FHOD1: variants seen among roughly 807,000 people sequenced by gnomAD.
The protein encoded by FHOD1 is formin homology 2 domain containing 1.
In FHOD1, 89 loss-of-function variants were observed where a neutral mutation model predicts 111.6. That is an observed-to-expected ratio of 0.80 (90% CI 0.67 to 0.95). FHOD1 has a LOEUF of 0.95. FHOD1 is among the 40% of genes least tolerant of loss of function. The pLI is 0.00. For missense variants in FHOD1, 1,446 were observed against 1,554.2 expected (o/e 0.93, Z 1.17); for synonymous variants, 618 against 639.0 (o/e 0.97, Z 0.50).
intron 11 of FHOD1, chr16:67,234,770 T>C (rs1388661905): frequency 2.7e-6 from 1 of 370,924 alleles, no homozygotes; most frequent in Non-Finnish European, 5.0e-6. Context: ...TTTTTTTGGT[T>C]GGTTTTTTTT....
At chr16:67,246,367 G>A (rs969750935) in intron 1 of FHOD1, among the ~76,000 whole-genome samples, 33 of 152,336 alleles carry the variant, frequency 2.2e-4, no homozygotes, top group African/African-American at 7.7e-4. Context: ...CCCGGAAACA[G>A]CGCGCCGGAA....
intron 13 of FHOD1, among the ~76,000 whole-genome samples, chr16:67,233,146 G>C (rs2034342587): frequency 6.6e-6 from 1 of 151,724 alleles, no homozygotes; most frequent in African/African-American, 2.4e-5. Context: ...GAGTGCAATG[G>C]TGCGATCTCG....
chr16:67,231,584 G>A lies in FHOD1; in HGVS notation c.2386-35C>T. 1.2e-6 allele frequency: 2 copies of A among 1,614,158 alleles called. No individual in the cohort carries two copies. Among genetic ancestry groups the A allele is most frequent in the Non-Finnish European group, 1.7e-6 (2 of 1,180,020 alleles). The stretch of plus-strand genomic sequence containing the variant: ...GAGACCAGGGACTCTCAGACTACAT[G>A]GTCATGATGCTTACCTGTCCCTACT... On this transcript the variant is annotated intron_variant, in intron 15 of 21. Coordinates refer to ENST00000258201, the MANE Select transcript of FHOD1 (RefSeq NM_013241.3). The surrounding 1 kb of genome is among the most constrained non-coding windows in gnomAD (Gnocchi z 4.3).
rs150611515 is a variant in FHOD1 at position 67,239,421 on chromosome 16, C to T, written c.235G>A (p.Gly79Arg). The T allele has an allele frequency of 2.1e-5, 34 of 1,613,972 alleles. No homozygotes were observed. Among genetic ancestry groups the T allele is most frequent in the Non-Finnish European group, 2.5e-5 (30 of 1,180,008 alleles). The change falls in exon 2 of 22, where the codon GGA (glycine) becomes AGA (arginine). Residue 79 changes from glycine to arginine, a missense_variant. Physicochemically the swap from Gly to Arg is moderately radical, Grantham distance 125. Transcript: ENST00000258201. ...EDCALQVSPSGYYLDTELSLE... is the reference protein window; with the variant it reads ...EDCALQVSPSRYYLDTELSLE... ...GACAGCTCGGTGTCCAGGTAGTATCCGGAGGGAGACACTTGCAGAGCACAA... is the reference window on the plus strand; with the variant it reads ...GACAGCTCGGTGTCCAGGTAGTATCTGGAGGGAGACACTTGCAGAGCACAA...
intron 1 of FHOD1, among the ~76,000 whole-genome samples, chr16:67,241,381 C>G (rs568908571): frequency 6.3e-4 from 96 of 152,290 alleles, no homozygotes; most frequent in Non-Finnish European, 1.1e-3. Context: ...TGATCTCTTC[C>G]CACACAGTGA....
At chr16:67,244,555 T>G (rs2034757195) in intron 1 of FHOD1, among the ~76,000 whole-genome samples, 1 of 151,988 alleles carries the variant, frequency 6.6e-6, no homozygotes, top group Non-Finnish European at 1.5e-5. Flanking sequence ...CTTTCTGAGA[T>G]CTGAAAGCTC....
chr16:67,243,374 T>C (rs1030152322), intron 1 of FHOD1, among the ~76,000 whole-genome samples: 3 of 151,970 alleles, frequency 2.0e-5, no homozygotes, highest in African/African-American at 4.8e-5. Context: ...GCCTCTTTTT[T>C]TTCTTTTCTT....
chr16:67,237,498 ACAC>A lies in FHOD1; in HGVS notation c.823_825del (p.Val275del). 9 of 1,614,180 alleles carry A rather than the reference ACAC, an allele frequency of 5.6e-6. No individual in the cohort carries two copies. The highest frequency in any genetic ancestry group is 7.6e-6 in the Non-Finnish European group (9 of 1,180,032). On this transcript the variant is annotated inframe_deletion, in exon 8 of 22. Coordinates refer to ENST00000258201, the MANE Select transcript of FHOD1 (RefSeq NM_013241.3). The surrounding 1 kb of genome is among the most constrained non-coding windows in gnomAD (Gnocchi z 5.6). ...ACCTTGTTGATGAGGGTGACCGTGT[ACAC>A]CAACAACTCAGGGTCAGCGCCATTC... is the stretch of plus-strand genomic sequence containing the variant.
At position 67,238,808 on chromosome 16, in the gene FHOD1, C is replaced by G. The variant is rs2034586368; in HGVS notation, c.373+95G>C. ...AGAGGAAGGAGCACATACAGCTAAA[C>G]CTACTTTGCTCACTGTTCAGCACAG... On this transcript the variant is annotated intron_variant, in intron 3 of 21. Transcript: ENST00000258201. This position sits in a 1 kb window ranked among gnomAD's most constrained non-coding sequence, Gnocchi z 4.2. 2 of 1,226,048 alleles carry G rather than the reference C, an allele frequency of 1.6e-6. No individual in the cohort carries two copies. The highest frequency in any genetic ancestry group is 2.4e-5 in the South Asian group (2 of 82,816). 75.9% of individuals were successfully genotyped at this position (1,226,048 alleles called of 1,614,324 possible).
intron 2 of FHOD1, 40 bp downstream of exon 2, chr16:67,239,308 G>T: frequency 6.7e-7 from 1 of 1,499,948 alleles, no homozygotes; most frequent in Non-Finnish European, 9.3e-7. Context: ...CCTGGCAAGG[G>T]TGGGGGTAAC....
chr16:67,230,388 G>A lies in FHOD1; in HGVS notation c.2977C>T (p.Arg993Ter), dbSNP rs1193390972. ...TGCTTCTGCTGCTGCTGTAGCACTC[G>A]TTCCCGGCAAGTCCGATACTCAAGC... ...FALEYRTCRE[R>*]VLQQQQKQAT... Residue 993 changes from arginine (R) to a stop codon, truncating the protein, a stop_gained, in exon 19 of 22, where the codon CGA becomes TGA. Transcript: ENST00000258201. LOFTEE classifies it high-confidence loss of function. 1.7e-5 allele frequency: 28 copies of A among 1,614,224 alleles called. No individual in the cohort carries two copies. In the East Asian group the frequency reaches 5.8e-4, roughly 33 times the overall value.
intron 1 of FHOD1, 107 bp from the exon 2 acceptor site, chr16:67,239,561 G>C (rs2034610117): frequency 6.5e-6 from 5 of 770,598 alleles, no homozygotes; most frequent in Non-Finnish European, 1.1e-5. Flanking sequence ...AGAGACACAG[G>C]GTCTGCACTA....
At chr16:67,246,458 C>A (rs2034837203) in intron 1 of FHOD1, among the ~76,000 whole-genome samples, 1 of 152,166 alleles carries the variant, frequency 6.6e-6, no homozygotes, top group African/African-American at 2.4e-5. Flanking sequence ...GGCCTCTTTC[C>A]GCACTGTGCA....
At chr16:67,242,433 CTAGA>C (rs1487257803) in intron 1 of FHOD1, among the ~76,000 whole-genome samples, 1 of 152,156 alleles carries the variant, frequency 6.6e-6, no homozygotes, top group Non-Finnish European at 1.5e-5. Flanking sequence ...GGGTGGTAGG[CTAGA>C]GTCAGGCAAG....
At position 67,231,229 on chromosome 16, in the gene FHOD1, C is replaced by T; in HGVS notation, c.2626G>A (p.Asp876Asn). ...LVLQTRPESS[D>N]LYSEIPALTR... Reference sequence around the variant, plus strand: ...AGGGCAGGGATTTCTGAATAGAGGTCAGAGGACTCAGGCCGGGTCTGGAGC... The same window carrying T: ...AGGGCAGGGATTTCTGAATAGAGGTTAGAGGACTCAGGCCGGGTCTGGAGC... The change falls in exon 17 of 22, where the codon GAC becomes AAC. Residue 876 changes from aspartate to asparagine, a missense_variant. This residue lies in a region of FHOD1 where 1,085 missense variants were observed against 1,108.8 expected (regional missense o/e 0.98). Coordinates refer to ENST00000258201, the MANE Select transcript of FHOD1 (RefSeq NM_013241.3). The surrounding 1 kb of genome is among the most constrained non-coding windows in gnomAD (Gnocchi z 4.3). 1 of 1,614,212 alleles carries T rather than the reference C, an allele frequency of 6.2e-7. No homozygotes were observed. Among genetic ancestry groups the T allele is most frequent in the Non-Finnish European group, 8.5e-7 (1 of 1,180,034 alleles).
Position 67,237,280 on chromosome 16 carries a change from C to A in FHOD1, c.952G>T (p.Gly318Cys). Residue 318 changes from glycine to cysteine, a missense_variant, in exon 9 of 22, where the codon GGC becomes TGC. Physicochemically the swap from Gly to Cys is radical, Grantham distance 159. This residue lies in a region of FHOD1 where 234 missense variants were observed against 327.4 expected (regional missense o/e 0.71). Coordinates refer to ENST00000258201, the MANE Select transcript of FHOD1 (RefSeq NM_013241.3). The surrounding 1 kb of genome is among the most constrained non-coding windows in gnomAD (Gnocchi z 5.6). Reference protein sequence around the residue: ...ALVQRHLGTAGTDVDLRTQLV... With the variant: ...ALVQRHLGTACTDVDLRTQLV... ...TGCGTGCGCAGGTCGACGTCAGTGCCCGCAGTGCCCAGGTGGCGCTGGACC... is the reference window on the plus strand; with the variant it reads ...TGCGTGCGCAGGTCGACGTCAGTGCACGCAGTGCCCAGGTGGCGCTGGACC... 1.9e-6 allele frequency: 3 copies of A among 1,613,978 alleles called. No individual in the cohort carries two copies. The highest frequency in any genetic ancestry group is 1.1e-5 in the South Asian group (1 of 91,078).
chr16:67,234,183 G>T lies in FHOD1; in HGVS notation c.1520C>A (p.Ala507Asp), dbSNP rs770549814. ...QSPAPCVLLR[A>D]QRSLAPEPKE... ...GGGCTCTGGTGCAAGGCTTCGCTGGGCCCGGAGCAGGACACAGGGGGCAGG... is the reference window on the plus strand; with the variant it reads ...GGGCTCTGGTGCAAGGCTTCGCTGGTCCCGGAGCAGGACACAGGGGGCAGG... Residue 507 changes from alanine to aspartate, a missense_variant, in exon 13 of 22, where the codon GCC becomes GAC. By Grantham distance (126) the Ala-to-Asp change is moderately radical. This residue lies in a region of FHOD1 where 1,085 missense variants were observed against 1,108.8 expected (regional missense o/e 0.98). Coordinates refer to ENST00000258201, the MANE Select transcript of FHOD1 (RefSeq NM_013241.3). 4 of 1,551,024 alleles carry T rather than the reference G, an allele frequency of 2.6e-6. No homozygotes were observed. Among genetic ancestry groups the T allele is most frequent in the Non-Finnish European group, 3.5e-6 (4 of 1,146,542 alleles).
intron 13 of FHOD1, among the ~76,000 whole-genome samples, 179 bp from the exon 14 acceptor site, chr16:67,232,373 G>C (rs1409204403): frequency 6.6e-6 from 1 of 152,052 alleles, no homozygotes; most frequent in African/African-American, 2.4e-5. Context: ...AAAAAAATTA[G>C]CTGGGCGTGG....
chr16:67,231,306 A>G lies in FHOD1; in HGVS notation c.2549T>C (p.Val850Ala), dbSNP rs1207298615. 1.2e-6 allele frequency: 2 copies of G among 1,613,996 alleles called. No individual in the cohort carries two copies. Among genetic ancestry groups the G allele is most frequent in the Admixed American group, 1.7e-5 (1 of 60,010 alleles). The change falls in exon 17 of 22, where the codon GTG becomes GCG. Residue 850 changes from valine (V) to alanine (A), a missense_variant. Coordinates refer to ENST00000258201, the MANE Select transcript of FHOD1 (RefSeq NM_013241.3). The surrounding 1 kb of genome is among the most constrained non-coding windows in gnomAD (Gnocchi z 4.3). ...TGACTGTCGACGCACCGTGTCCTTC[A>G]CCTCTGACACCTTCTCCAGGTAGCT... ...ELSYLEKVSEVKDTVRRQSLL... is the reference protein window; with the variant it reads ...ELSYLEKVSEAKDTVRRQSLL...
Sources: gnomAD v4.1 joint callset for allele counts (sites outside exome capture counted in the v4.1 genomes callset) on GRCh38, gnomAD v4.1.1 for gene constraint, gnomAD v4.1.1 regional missense constraint, Gnocchi (gnomAD v3.1) non-coding constraint, MANE v1.5 for transcripts, NCBI Gene and HGNC (gene_info 2026-07-23, HGNC 2026-07-21) for gene names.